The following ADCY1 variants were observed in gnomAD, a reference collection of about 807,000 sequenced individuals.
The protein encoded by ADCY1 is adenylate cyclase type 1.
In ADCY1, 28 loss-of-function variants were observed where a neutral mutation model predicts 105.4. That is an observed-to-expected ratio of 0.27 (90% confidence interval 0.20 to 0.36). The LOEUF (loss-of-function observed/expected upper bound fraction) is 0.36, where lower values mean the gene tolerates loss of function less well. Among genes scored for constraint, ADCY1 ranks in the 10% least tolerant of loss-of-function variants. ADCY1 has a pLI of 1.00. For synonymous variants in ADCY1, 655 were observed against 623.8 expected (o/e 1.05, Z -0.75); for missense variants, 977 against 1,434.2 (o/e 0.68, Z 5.15).
intron 14 of ADCY1, among the ~76,000 whole-genome samples, chr7:45,687,783 G>A (rs920122459): frequency 3.3e-5 from 5 of 152,208 alleles, no homozygotes; most frequent in Admixed American, 1.3e-4. Flanking sequence ...AGGTGGCTGA[G>A]CTGGGATCCA....
intron 14 of ADCY1, among the ~76,000 whole-genome samples, chr7:45,688,132 G>A (rs550203957): frequency 1.3e-5 from 2 of 152,340 alleles, no homozygotes; most frequent in Non-Finnish European, 2.9e-5. Context: ...AGTAGCAGGG[G>A]TAACAAAGGT....
At chr7:45,623,566 A>G (rs1360483243) in intron 4 of ADCY1, among the ~76,000 whole-genome samples, 1 of 152,174 alleles carries the variant, frequency 6.6e-6, no homozygotes, top group African/African-American at 2.4e-5. Context: ...GAGCACATCT[A>G]TTGCATGGCA....
intron 7 of ADCY1, 147 bp from the exon 8 acceptor site, chr7:45,661,912 C>A: frequency 1.0e-6 from 1 of 956,602 alleles, no homozygotes; most frequent in Non-Finnish European, 1.5e-6. Context: ...TGGGCACGTT[C>A]CCCAATGCCT....
chr7:45,637,588 G>A (rs1032476525), intron 4 of ADCY1, among the ~76,000 whole-genome samples: 1 of 152,096 alleles, frequency 6.6e-6, no homozygotes, highest in Non-Finnish European at 1.5e-5. Flanking sequence ...AACTGGGTGT[G>A]GTGGCACATA....
chr7:45,690,690 G>A (rs1326180425), intron 14 of ADCY1, among the ~76,000 whole-genome samples: 1 of 152,226 alleles, frequency 6.6e-6, no homozygotes, highest in African/African-American at 2.4e-5. Context: ...GCCCTGGAAG[G>A]GAGATCTGGC....
intron 14 of ADCY1, among the ~76,000 whole-genome samples, chr7:45,688,577 T>C (rs774617375): frequency 6.6e-6 from 1 of 152,226 alleles, no homozygotes; most frequent in African/African-American, 2.4e-5. Flanking sequence ...CAGGGCAGGA[T>C]GCATATTTAA....
At chr7:45,682,859 A>G (rs555239819) in intron 11 of ADCY1, among the ~76,000 whole-genome samples, 14 of 152,172 alleles carry the variant, frequency 9.2e-5, no homozygotes, top group African/African-American at 2.9e-4. Flanking sequence ...GAAAAGAGAA[A>G]ACCTTGGCAG....
intron 4 of ADCY1, among the ~76,000 whole-genome samples, chr7:45,633,623 G>A (rs1584288520): frequency 6.6e-6 from 1 of 152,004 alleles, no homozygotes; most frequent in South Asian, 2.1e-4. Flanking sequence ...CCAACGTGGT[G>A]AAACCCCGTC....
chr7:45,689,447 A>G (rs757224209), intron 14 of ADCY1, among the ~76,000 whole-genome samples: 6 of 152,178 alleles, frequency 3.9e-5, no homozygotes, highest in Non-Finnish European at 8.8e-5. Context: ...TACTCATAGC[A>G]GAAGGCAAAA....
chr7:45,660,093 G>A lies in ADCY1; in HGVS notation c.1359G>A (p.Glu453=). ...TTLACLNGDY[E]VEPGYGHERN... is the part of the protein sequence containing the mutation. ...TAGCGTGCTTGAATGGGGACTACGAGGTAGAACCGGGTTACGGACATGAGA... is the reference window on the plus strand; with the variant it reads ...TAGCGTGCTTGAATGGGGACTACGAAGTAGAACCGGGTTACGGACATGAGA... Residue 453 remains glutamate (E), a synonymous_variant, in exon 7 of 20, where the codon GAG becomes GAA. Coordinates refer to ENST00000297323, the MANE Select transcript of ADCY1 (RefSeq NM_021116.4). 6.2e-7 allele frequency: 1 copy of A among 1,614,170 alleles called. No individual in the cohort carries two copies. Among genetic ancestry groups the A allele is most frequent in the Middle Eastern group, 1.6e-4 (1 of 6,062 alleles).
intron 3 of ADCY1, among the ~76,000 whole-genome samples, chr7:45,621,970 T>C (rs1793903997): frequency 6.6e-6 from 1 of 152,186 alleles, no homozygotes; most frequent in Non-Finnish European, 1.5e-5. Context: ...AGTCTTATTA[T>C]CTCCAGAAAA....
chr7:45,654,995 T>G (rs1584307061), intron 5 of ADCY1, among the ~76,000 whole-genome samples: 1 of 152,122 alleles, frequency 6.6e-6, no homozygotes, highest in African/African-American at 2.4e-5. Context: ...GGCGTGTGTG[T>G]TGTTGTTATT....
intron 4 of ADCY1, among the ~76,000 whole-genome samples, chr7:45,632,303 A>G (rs935943866): frequency 6.6e-6 from 1 of 152,148 alleles, no homozygotes; most frequent in East Asian, 1.9e-4. Flanking sequence ...TGGCTATTCT[A>G]GGTGCTTTGC....
intron 2 of ADCY1, among the ~76,000 whole-genome samples, chr7:45,599,585 C>G (rs1474244): frequency 0.17 from 24,967 of 150,180 alleles, 2,412 homozygotes; most frequent in African/African-American, 0.27. Context: ...GGCATGTCCT[C>G]GGGGGCTGTG....
intron 1 of ADCY1, among the ~76,000 whole-genome samples, chr7:45,580,761 A>T (rs953713074): frequency 1.3e-5 from 2 of 152,120 alleles, no homozygotes; most frequent in Non-Finnish European, 2.9e-5. Flanking sequence ...TTCTCCCAAG[A>T]GCAGTGCTGA....
intron 8 of ADCY1, among the ~76,000 whole-genome samples, chr7:45,673,560 G>T (rs1330992845): frequency 6.6e-6 from 1 of 152,114 alleles, no homozygotes; most frequent in South Asian, 2.1e-4. Context: ...TATGTGTGTA[G>T]AGTTGTTTAT....
At chr7:45,679,927 T>C (rs1402519781) in intron 11 of ADCY1, 134 bp downstream of exon 11, 1 of 1,122,690 alleles carries the variant, frequency 8.9e-7, no homozygotes, top group Non-Finnish European at 1.4e-6. Context: ...TATCACCTTG[T>C]TCAGGTATGT....
intron 2 of ADCY1, among the ~76,000 whole-genome samples, chr7:45,600,371 C>G (rs1054283038): frequency 1.3e-5 from 2 of 152,312 alleles, no homozygotes; most frequent in African/African-American, 2.4e-5. Flanking sequence ...CTGGCCTTTC[C>G]TGGAAGAGCC....
chr7:45,590,125 T>C (rs969657409), intron 1 of ADCY1, among the ~76,000 whole-genome samples: 2 of 152,108 alleles, frequency 1.3e-5, no homozygotes, highest in African/African-American at 4.8e-5. Context: ...CCCCCCAGCC[T>C]CCACGGGCTG....
Sources: gnomAD v4.1 joint callset for allele counts (sites outside exome capture counted in the v4.1 genomes callset) on GRCh38, gnomAD v4.1.1 for gene constraint, MANE v1.5 for transcripts, NCBI Gene and HGNC (gene_info 2026-07-23, HGNC 2026-07-21) for gene names.